Variants in MPPE1 observed in about 807,000 individuals in gnomAD.
MPPE1 encodes metallo phosphoesterase.
MPPE1 carries 28 observed loss-of-function variants against 43.8 expected under a neutral mutation model. That is an observed-to-expected ratio of 0.64 (90% CI 0.47 to 0.88). The LOEUF is 0.88. Ranked by LOEUF, MPPE1 falls within the 40% of genes least tolerant of loss-of-function variation. The pLI is 0.00. For synonymous variants in MPPE1, 159 were observed against 188.5 expected (o/e 0.84, Z 1.28); for missense variants, 428 against 492.2 (o/e 0.87, Z 1.23).
chr18:11,900,801 G>A (rs1268068391), intron 2 of MPPE1, among the ~76,000 whole-genome samples: 1 of 151,806 alleles, frequency 6.6e-6, no homozygotes, highest in Non-Finnish European at 1.5e-5. Flanking sequence ...CAGCTACTCG[G>A]GAGGATGAGG....
rs1000642385 is a variant in MPPE1 at position 11,898,489 on chromosome 18, T to C, written c.-92-1133A>G. 5.9e-5 allele frequency among the ~76,000 whole-genome samples: 9 copies of C among 152,324 alleles called. No homozygotes were observed. In the South Asian group the frequency reaches 1.7e-3, roughly 28 times the overall value. On this transcript the variant is annotated intron_variant, in intron 2 of 10. Transcript: ENST00000588072. ...CGAGATTAGGATTAGGGGAGGGGCT[T>C]GAATTCTGCTGAATGTAGTTTCTAT...
chr18:11,901,511 G>A (rs576575605), intron 2 of MPPE1, among the ~76,000 whole-genome samples: 12 of 151,544 alleles, frequency 7.9e-5, no homozygotes, highest in East Asian at 2.0e-4. Context: ...GATTACAGGC[G>A]TGAGCCACTG....
intron 4 of MPPE1, among the ~76,000 whole-genome samples, chr18:11,890,012 G>A (rs1323873277): frequency 2.0e-5 from 3 of 148,214 alleles, no homozygotes; most frequent in South Asian, 2.2e-4. Context: ...GCACGATCTC[G>A]GCTCACTGCA....
At position 11,897,034 on chromosome 18, in the gene MPPE1, G is replaced by A. The variant is rs1279605712; in HGVS notation, c.231C>T (p.Asp77=). 2 of 1,575,194 alleles carry A rather than the reference G, an allele frequency of 1.3e-6. No individual in the cohort carries two copies. Among genetic ancestry groups the A allele is most frequent in the Middle Eastern group, 1.7e-4 (1 of 5,874 alleles). The stretch of plus-strand genomic sequence containing the variant: ...CTAGGAATTCCCCAAGCAAATGGGT[G>A]TCAGCCAAAAACATGGCTTTGAGCA... The part of the protein sequence containing the change: ...EPVLKAMFLA[D]THLLGEFLGH... Residue 77 remains aspartate, a synonymous_variant, in exon 3 of 11, where the codon GAC becomes GAT. Transcript: ENST00000588072.
In MPPE1 at chr18:11,883,217, T is replaced by A. The variant is rs1188984219; in HGVS notation, c.*1228A>T. On this transcript the variant is annotated 3_prime_UTR_variant, in exon 11 of 11. Transcript: ENST00000588072. ...CACACATTTTATCTCATCACCGTCTTACTGCCTCCCCATCCACTGTCTCAT... is the reference window on the plus strand; with the variant it reads ...CACACATTTTATCTCATCACCGTCTAACTGCCTCCCCATCCACTGTCTCAT... 6.6e-6 allele frequency: 1 copy of A among 150,572 alleles called. No individual in the cohort carries two copies. The highest frequency in any genetic ancestry group is 2.5e-5 in the African/African-American group (1 of 40,062). 9.3% of individuals were successfully genotyped at this position (150,572 alleles called of 1,614,324 possible). A position where few individuals can be genotyped will look rare whatever the true frequency, so the allele number is the denominator to read the frequency against.
intron 1 of MPPE1, among the ~76,000 whole-genome samples, chr18:11,907,309 C>A (rs374468632): frequency 6.6e-6 from 1 of 152,154 alleles, no homozygotes; most frequent in Admixed American, 6.6e-5. Context: ...CCCGACCCAC[C>A]CACCTCCTCA....
rs1366815655 is a variant in MPPE1, at chr18:11,886,408, C to A, written c.867+91G>T. ...TAAGTCATGAACGTTTCAGCAAACA[C>A]CTGCTCTAGCCTGGGCACTCTGCTT... is the stretch of plus-strand genomic sequence containing the variant. On this transcript the variant is annotated intron_variant, in intron 9 of 10. Coordinates refer to ENST00000588072, the MANE Select transcript of MPPE1 (RefSeq NM_023075.6). This position sits in a 1 kb window ranked among gnomAD's most constrained non-coding sequence, Gnocchi z 4.1. The A allele has an allele frequency of 3.2e-6, 5 of 1,584,832 alleles. No individual in the cohort carries two copies. The highest frequency in any genetic ancestry group is 4.3e-6 in the Non-Finnish European group (5 of 1,157,478).
At chr18:11,896,808 C>T (rs1353998378) in intron 3 of MPPE1, among the ~76,000 whole-genome samples, 176 bp downstream of exon 3, 1 of 152,144 alleles carries the variant, frequency 6.6e-6, no homozygotes, top group Non-Finnish European at 1.5e-5. Flanking sequence ...ATTATGGGGC[C>T]CTGTATATAT....
In MPPE1 at chr18:11,884,540, C is replaced by T. The variant is rs1413092723; in HGVS notation, c.1096G>A (p.Gly366Ser). ...VVLIIYCGVV[G>S]FLVVLTLTHF... is the part of the protein sequence containing the mutation. ...GTGAGTGTGAGGACCACAAGGAAGC[C>T]CACCACTCCACAGTAGATGATCAAA... The change falls in exon 11 of 11, where the codon GGC becomes AGC. Residue 366 changes from glycine to serine, a missense_variant. This residue lies in a region of MPPE1 where 379 missense variants were observed against 402.5 expected (regional missense o/e 0.94). Transcript: ENST00000588072. The T allele has an allele frequency of 6.2e-7, 1 of 1,613,910 alleles. No homozygotes were observed. Among genetic ancestry groups the T allele is most frequent in the African/African-American group, 1.3e-5 (1 of 74,904 alleles).
In MPPE1 at chr18:11,882,879, C is replaced by A. The variant is rs1370394414; in HGVS notation, c.*1566G>T. ...AGCCTCAAACATTATGACACACCAA[C>A]AATATCTAGAAAGTAAGAACTGGTG... On this transcript the variant is annotated 3_prime_UTR_variant, in exon 11 of 11. Transcript: ENST00000588072. 1.3e-5 allele frequency: 2 copies of A among 152,126 alleles called. No homozygotes were observed. The highest frequency in any genetic ancestry group is 2.4e-5 in the African/African-American group (1 of 41,416). The allele number at this position is 152,126 out of a possible 1,614,324, so 9.4% of individuals were successfully genotyped here. A position where few individuals can be genotyped will look rare whatever the true frequency, so the allele number is the denominator to read the frequency against.
At chr18:11,903,754 C>G (rs374283746) in intron 2 of MPPE1, among the ~76,000 whole-genome samples, 1 of 152,108 alleles carries the variant, frequency 6.6e-6, no homozygotes, top group African/African-American at 2.4e-5. Context: ...TGCAGTGAAC[C>G]GAGATCGCGC....
At chr18:11,895,170 T>C (rs1480934845) in intron 3 of MPPE1, 4 of 152,206 alleles carry the variant, frequency 2.6e-5, no homozygotes, top group Admixed American at 2.0e-4. Context: ...GTAGGCTGGG[T>C]GCAGTGACTC....
chr18:11,903,298 G>A (rs1446668735), intron 2 of MPPE1, among the ~76,000 whole-genome samples: 1 of 152,082 alleles, frequency 6.6e-6, no homozygotes, highest in Non-Finnish European at 1.5e-5. Flanking sequence ...AGACAAAATG[G>A]CAGAGTATGA....
chr18:11,902,102 A>C (rs2039270398), intron 2 of MPPE1, among the ~76,000 whole-genome samples: 2 of 152,202 alleles, frequency 1.3e-5, no homozygotes, highest in African/African-American at 4.8e-5. Context: ...TTATCTTCCA[A>C]CTGGGGACAG....
intron 3 of MPPE1, 110 bp downstream of exon 3, chr18:11,896,874 G>T: frequency 2.0e-6 from 2 of 992,546 alleles, no homozygotes; most frequent in South Asian, 1.7e-5. Flanking sequence ...GTCCTCCTTT[G>T]AGAGGAAAAT....
rs139906247 is a variant in MPPE1 at position 11,886,516 on chromosome 18, G to C, written c.850C>G (p.Arg284Gly). ...TGGCAAACCTTTTGTGATGCCTCCC[G>C]TGAAAGCACGTCATAGTTCTCCTTA... ...PFKENYDVLS[R>G]EASQKLLWWL... The change falls in exon 9 of 11, where the codon CGG (arginine) becomes GGG (glycine). Residue 284 changes from arginine (R) to glycine (G), a missense_variant. Arg to Gly is a moderately radical substitution (Grantham distance 125, BLOSUM62 -2). Transcript: ENST00000588072. The surrounding 1 kb of genome is among the most constrained non-coding windows in gnomAD (Gnocchi z 4.1). 6 of 1,614,064 alleles carry C rather than the reference G, an allele frequency of 3.7e-6. No individual in the cohort carries two copies. Among genetic ancestry groups the C allele is most frequent in the Non-Finnish European group, 5.1e-6 (6 of 1,180,056 alleles).
rs1049509563 is a variant in MPPE1, at chr18:11,883,276, A to G, written c.*1169T>C. On this transcript the variant is annotated 3_prime_UTR_variant, in exon 11 of 11. Transcript: ENST00000588072. ...CAGCTGAACTAAGATAAATAATACAATGGAAATTATTTTCAGTTCCCCTTG... is the reference window on the plus strand; with the variant it reads ...CAGCTGAACTAAGATAAATAATACAGTGGAAATTATTTTCAGTTCCCCTTG... 6.6e-6 allele frequency: 1 copy of G among 152,236 alleles called. No individual in the cohort carries two copies. The highest frequency in any genetic ancestry group is 1.5e-5 in the Non-Finnish European group (1 of 68,026). The allele number at this position is 152,236 out of a possible 1,614,324, so 9.4% of individuals were successfully genotyped here.
At position 11,888,709 on chromosome 18, in the gene MPPE1, C is replaced by G. The variant is rs1312421100; in HGVS notation, c.529G>C (p.Val177Leu). ...GAAAACAGTCTTTCAGAGCTGAACA[C>G]TTTCTCAAAGCGTTCTACTTTGTAT... is the stretch of plus-strand genomic sequence containing the variant. ...NTYKVERFEK[V>L]FSSERLFSWK... Residue 177 changes from valine to leucine, a missense_variant, in exon 6 of 11, where the codon GTG (valine) becomes CTG (leucine). Val to Leu is a conservative substitution (Grantham distance 32). This residue lies in a region of MPPE1 where 379 missense variants were observed against 402.5 expected (regional missense o/e 0.94). Transcript: ENST00000588072. 4 of 1,600,354 alleles carry G rather than the reference C, an allele frequency of 2.5e-6. No homozygotes were observed. Among genetic ancestry groups the G allele is most frequent in the African/African-American group, 1.3e-5 (1 of 74,142 alleles).
intron 3 of MPPE1, among the ~76,000 whole-genome samples, chr18:11,896,091 TATTC>T (rs1598552916): frequency 6.9e-6 from 1 of 144,858 alleles, no homozygotes; most frequent in African/African-American, 2.6e-5. Context: ...TCTTATTCTT[TATTC>T]TTTTTTTTTT....
Sources: gnomAD v4.1 joint callset for allele counts (sites outside exome capture counted in the v4.1 genomes callset) on GRCh38, gnomAD v4.1.1 for gene constraint, gnomAD v4.1.1 regional missense constraint, Gnocchi (gnomAD v3.1) non-coding constraint, MANE v1.5 for transcripts, NCBI Gene and HGNC (gene_info 2026-07-23, HGNC 2026-07-21) for gene names.